Variants in ITGAL observed in about 807,000 individuals in gnomAD.
ITGAL encodes integrin alpha-L.
A neutral mutation model predicts 138.4 loss-of-function variants in ITGAL; 68 were observed. The observed-to-expected ratio is 0.49, with a 90% CI of 0.40 to 0.60. The LOEUF (loss-of-function observed/expected upper bound fraction) is 0.60, where lower values mean the gene tolerates loss of function less well. Among genes scored for constraint, ITGAL ranks in the 20% least tolerant of loss-of-function variants. The pLI, the probability that ITGAL is intolerant of heterozygous loss-of-function variation, is 0.00. For missense variants in ITGAL, 1,256 were observed against 1,478.6 expected (o/e 0.85, Z 2.47); for synonymous variants, 561 against 584.3 (o/e 0.96, Z 0.57).
In ITGAL at chr16:30,484,222, A is replaced by T. The variant is rs1285212944; in HGVS notation, c.965A>T (p.Asp322Val). Reference sequence around the variant, plus strand: ...CTGGACACATTTGAGAAGCTGAAAGATCTATTCACTGAGCTGCAGAAGAAG... The same window carrying T: ...CTGGACACATTTGAGAAGCTGAAAGTTCTATTCACTGAGCTGCAGAAGAAG... Reference protein sequence around the residue: ...KILDTFEKLKDLFTELQKKIY... With the variant: ...KILDTFEKLKVLFTELQKKIY... Residue 322 changes from aspartate (D) to valine (V), a missense_variant, in exon 9 of 31, where the codon GAT (aspartate) becomes GTT (valine). By Grantham distance (152) the Asp-to-Val change is radical. Coordinates refer to ENST00000356798, the MANE Select transcript of ITGAL (RefSeq NM_002209.3). 1 of 1,614,012 alleles carries T rather than the reference A, an allele frequency of 6.2e-7. No homozygotes were observed. Among genetic ancestry groups the T allele is most frequent in the Non-Finnish European group, 8.5e-7 (1 of 1,180,040 alleles).
chr16:30,474,108 T>G, intron 1 of ITGAL, 88 bp from the exon 2 acceptor site: 1 of 976,894 alleles, frequency 1.0e-6, no homozygotes, highest in Non-Finnish European at 1.6e-6. Context: ...GGGAGCGACA[T>G]CCGGGTGGGC....
Position 30,479,372 on chromosome 16 carries a change from G to A in ITGAL, c.487G>A (p.Gly163Ser). ...GNVDLVFLFD[G>S]SMSLQPDEFQ... Reference sequence around the variant, plus strand: ...CGTAGACCTGGTATTTCTGTTTGATGGTTCGATGAGCTTGCAGCCAGATGA... The same window carrying A: ...CGTAGACCTGGTATTTCTGTTTGATAGTTCGATGAGCTTGCAGCCAGATGA... The change falls in exon 6 of 31, where the codon GGT (glycine) becomes AGT (serine). Residue 163 changes from glycine to serine, a missense_variant. Physicochemically the swap from Gly to Ser is moderately conservative, Grantham distance 56 (BLOSUM62 0). Around this residue, in one of 3 missense-constraint regions of ITGAL, gnomAD observed 212 missense variants for 217.4 expected, o/e 0.98. Transcript: ENST00000356798. 1.2e-6 allele frequency: 2 copies of A among 1,614,132 alleles called. No homozygotes were observed. The highest frequency in any genetic ancestry group is 1.1e-5 in the South Asian group (1 of 91,078).
At chr16:30,515,256 T>A (rs1171023170) in intron 25 of ITGAL, among the ~76,000 whole-genome samples, 1 of 152,244 alleles carries the variant, frequency 6.6e-6, no homozygotes, top group African/African-American at 2.4e-5. Flanking sequence ...GAATTTCTCC[T>A]TCCTCCTGCT....
chr16:30,499,307 A>G (rs1567477827), intron 16 of ITGAL, 31 bp from the exon 17 acceptor site: 1 of 1,613,562 alleles, frequency 6.2e-7, no homozygotes, highest in Admixed American at 1.7e-5. Flanking sequence ...ATCCCCCACC[A>G]TTTAACTCTT....
rs1249752831 is a variant in ITGAL at position 30,507,999 on chromosome 16, C to T, written c.2508+1143C>T. Among the ~76,000 whole-genome samples the T allele has an allele frequency of 2.6e-5, 4 of 151,982 alleles. No homozygotes were observed. The East Asian group carries it at 5.8e-4, about 22-fold the overall frequency. ...TCTCGGCTCACTGCAAACTCCACCT[C>T]CCGGGTTCACGCCATTCTCCTGCCT... On this transcript the variant is annotated intron_variant, in intron 21 of 30. Transcript: ENST00000356798.
At chr16:30,515,776 A>G (rs927992591) in intron 25 of ITGAL, among the ~76,000 whole-genome samples, 1 of 152,210 alleles carries the variant, frequency 6.6e-6, no homozygotes, top group Non-Finnish European at 1.5e-5. Flanking sequence ...GTTCAAGACC[A>G]GCCTGGCCAA....
Position 30,510,976 on chromosome 16 carries a change from C to T in ITGAL, c.2699+16C>T. On this transcript the variant is annotated intron_variant, in intron 23 of 30. Transcript: ENST00000356798. ...ATGTGACCTGGTGAGCAGGCCCCGC[C>T]CACATCCCTGCCATGGTCTCAGACC... 1 of 1,613,648 alleles carries T rather than the reference C, an allele frequency of 6.2e-7. No homozygotes were observed. The highest frequency in any genetic ancestry group is 8.5e-7 in the Non-Finnish European group (1 of 1,179,634).
At chr16:30,477,115 A>G (rs897770489) in intron 4 of ITGAL, 1 of 152,214 alleles carries the variant, frequency 6.6e-6, no homozygotes, top group Non-Finnish European at 1.5e-5. Context: ...GCTCTCTCCA[A>G]CTTATCCCAG....
chr16:30,514,411 G>A (rs2051136753), intron 25 of ITGAL, among the ~76,000 whole-genome samples: 3 of 151,860 alleles, frequency 2.0e-5, no homozygotes, highest in Admixed American at 2.0e-4. Context: ...CAAGTAGCTG[G>A]GATTACAGGC....
chr16:30,495,871 GTA>G (rs1376314848), intron 13 of ITGAL, among the ~76,000 whole-genome samples: 1 of 151,456 alleles, frequency 6.6e-6, no homozygotes, highest in Non-Finnish European at 1.5e-5. Context: ...TCAAAAAAAT[GTA>G]TATATATATA....
intron 29 of ITGAL, among the ~76,000 whole-genome samples, chr16:30,519,240 G>C (rs2051215561): frequency 6.6e-6 from 1 of 152,038 alleles, no homozygotes; most frequent in Non-Finnish European, 1.5e-5. Context: ...TCTGTCAGAG[G>C]CAGGCGTGGT....
At chr16:30,483,737 A>G in intron 7 of ITGAL, 90 bp from the exon 8 acceptor site, 1 of 1,399,630 alleles carries the variant, frequency 7.1e-7, no homozygotes, top group Non-Finnish European at 9.7e-7. Context: ...TTGCGTAACC[A>G]GCATGGAGGT....
chr16:30,505,147 G>A (rs991015116), intron 18 of ITGAL, 97 bp from the exon 19 acceptor site: 1 of 1,247,112 alleles, frequency 8.0e-7, no homozygotes, highest in Non-Finnish European at 1.1e-6. Context: ...AGCCAGCCCA[G>A]TTGAGCTAAG....
intron 17 of ITGAL, among the ~76,000 whole-genome samples, chr16:30,502,472 C>T (rs1312084571): frequency 6.7e-6 from 1 of 149,266 alleles, no homozygotes; most frequent in Non-Finnish European, 1.5e-5. Context: ...AAAGGCCAGG[C>T]ATGGTGGCTC....
intron 15 of ITGAL, among the ~76,000 whole-genome samples, chr16:30,498,251 AG>A (rs1253102870): frequency 7.2e-6 from 1 of 139,576 alleles, no homozygotes; most frequent in Non-Finnish European, 1.6e-5. Flanking sequence ...CTTGAGCCCA[AG>A]AGGAGGATCT....
At chr16:30,475,690 ATCAGAG>A in intron 4 of ITGAL, 110 bp downstream of exon 4, 1 of 775,836 alleles carries the variant, frequency 1.3e-6, no homozygotes, top group Non-Finnish European at 2.3e-6. Context: ...GGTCAAAGGC[ATCAGAG>A]TCAATTAGTG....
rs375583362 is a variant in ITGAL, at chr16:30,499,505, C to T, written c.2145+16C>T. ...TCATTTCCCGGTAAGGGAGCCAGCG[C>T]CAATGCTCTGGGATGAGCTACCTGC... On this transcript the variant is annotated intron_variant, in intron 17 of 30. Coordinates refer to ENST00000356798, the MANE Select transcript of ITGAL (RefSeq NM_002209.3). 6.8e-6 allele frequency: 11 copies of T among 1,612,296 alleles called. No homozygotes were observed. The African/African-American group carries it at 1.5e-4, about 22-fold the overall frequency.
In ITGAL at chr16:30,481,143, A is replaced by AACACACACAC. The variant is rs60456127; in HGVS notation, c.577-265_577-256dup. ...ATGGTGAAACACCGTCTCTACTAAA[A>AACACACACAC]ACACACACACACACACACACACACA... On this transcript the variant is annotated intron_variant, in intron 6 of 30. Coordinates refer to ENST00000356798, the MANE Select transcript of ITGAL (RefSeq NM_002209.3). 206 of 216,072 alleles carry AACACACACAC rather than the reference A, an allele frequency of 9.5e-4. 1 individual carries two copies. Among genetic ancestry groups the AACACACACAC allele is most frequent in the African/African-American group, 4.7e-3 (168 of 35,998 alleles). The allele number at this position is 216,072 out of a possible 1,614,324, so 13.4% of individuals were successfully genotyped here. A position where few individuals can be genotyped will look rare whatever the true frequency, so the allele number is the denominator to read the frequency against.
chr16:30,483,867 G>A lies in ITGAL; in HGVS notation c.763G>A (p.Ala255Thr), dbSNP rs2050594700. The change falls in exon 8 of 31, where the codon GCC becomes ACC. Residue 255 changes from alanine to threonine, a missense_variant. Physicochemically the swap from Ala to Thr is moderately conservative, Grantham distance 58. Around this residue, in one of 3 missense-constraint regions of ITGAL, gnomAD observed 177 missense variants for 288.8 expected, o/e 0.61. Coordinates refer to ENST00000356798, the MANE Select transcript of ITGAL (RefSeq NM_002209.3). The stretch of plus-strand genomic sequence containing the variant: ...GGAGGAGCTGGGGGCCCGGCCAGAT[G>A]CCACCAAAGTGCTTATCATCATCAC... ...FREELGARPD[A>T]TKVLIIITDG... is the part of the protein sequence containing the mutation. The A allele has an allele frequency of 1.2e-6, 2 of 1,614,070 alleles. No homozygotes were observed. Among genetic ancestry groups the A allele is most frequent in the African/African-American group, 2.7e-5 (2 of 75,022 alleles).
Sources: allele counts gnomAD v4.1 joint callset (sites outside exome capture counted in the v4.1 genomes callset), GRCh38; gene constraint gnomAD v4.1.1; regional missense constraint gnomAD v4.1.1; transcripts MANE v1.5; gene names NCBI Gene and HGNC (gene_info 2026-07-23, HGNC 2026-07-21).